CCDC60: variants seen among roughly 807,000 people sequenced by gnomAD.
CCDC60 encodes coiled-coil domain-containing protein 60.
In CCDC60, 54 loss-of-function variants were observed where a neutral mutation model predicts 63.5. That is an observed-to-expected ratio of 0.85 (90% confidence interval 0.68 to 1.07). The LOEUF is 1.07. Among genes scored for constraint, CCDC60 ranks in the 50% least tolerant of loss-of-function variants. The pLI is 0.00. For missense variants in CCDC60, 651 were observed against 684.3 expected (o/e 0.95, Z 0.54); for synonymous variants, 206 against 238.8 (o/e 0.86, Z 1.27).
Position 119,511,066 on chromosome 12 carries a change from C to A in CCDC60, c.884-5557C>A, listed in dbSNP as rs112485231. Among the ~76,000 whole-genome samples, 1,094 of 152,312 alleles carry A rather than the reference C, an allele frequency of 7.2e-3. 11 individuals are homozygous for A. Among genetic ancestry groups the A allele is most frequent in the African/African-American group, 0.025 (1,031 of 41,564 alleles). ...AACATCTTATTTACCTTCATCCTAGCACACAGTAGGAACACAAAAATGACT... is the reference window on the plus strand; with the variant it reads ...AACATCTTATTTACCTTCATCCTAGAACACAGTAGGAACACAAAAATGACT... On this transcript the variant is annotated intron_variant, in intron 7 of 13. Transcript: ENST00000327554.
intron 1 of CCDC60, among the ~76,000 whole-genome samples, chr12:119,367,034 T>C (rs1388316276): frequency 6.6e-6 from 1 of 152,158 alleles, no homozygotes; most frequent in East Asian, 1.9e-4. Flanking sequence ...GGTTTCACCA[T>C]GTTGGCCAGG....
rs548585632 is a variant in CCDC60, at chr12:119,360,314, G to A, written c.90+25048G>A. Among the ~76,000 whole-genome samples the A allele has an allele frequency of 3.4e-3, 509 of 147,886 alleles. 4 individuals are homozygous for A. The highest frequency in any genetic ancestry group is 0.012 in the African/African-American group (480 of 39,962). ...GGGCTGACCCCCCCACCTCCCTCCC[G>A]GACTGGGCGGCTGGCCAGGCGGGGG... is the stretch of plus-strand genomic sequence containing the variant. On this transcript the variant is annotated intron_variant, in intron 1 of 13. Coordinates refer to ENST00000327554, the MANE Select transcript of CCDC60 (RefSeq NM_178499.5).
intron 2 of CCDC60, among the ~76,000 whole-genome samples, chr12:119,455,939 GAGAGAGAA>G (rs1264395418): frequency 6.4e-5 from 2 of 31,028 alleles, no homozygotes; most frequent in African/African-American, 1.6e-4. Flanking sequence ...GAAAGAGAAA[GAGAGAGAA>G]AGGAAGGAAG....
chr12:119,492,248 T>C (rs1405206347), intron 5 of CCDC60, among the ~76,000 whole-genome samples: 1 of 152,156 alleles, frequency 6.6e-6, no homozygotes. Flanking sequence ...ACCAGTTCTC[T>C]AGGAGGTGAA....
intron 1 of CCDC60, among the ~76,000 whole-genome samples, chr12:119,342,283 G>A (rs1242701413): frequency 1.3e-5 from 2 of 152,202 alleles, no homozygotes; most frequent in Admixed American, 6.5e-5. Flanking sequence ...GAGGGAAACA[G>A]AAGCTTTCCA....
At chr12:119,392,906 G>C (rs899164308) in intron 1 of CCDC60, among the ~76,000 whole-genome samples, 30 of 152,170 alleles carry the variant, frequency 2.0e-4, no homozygotes, top group African/African-American at 6.8e-4. Context: ...TGTAATCCCA[G>C]CACTTTGGGA....
chr12:119,491,623 C>T (rs1260859808), intron 5 of CCDC60, among the ~76,000 whole-genome samples: 1 of 152,134 alleles, frequency 6.6e-6, no homozygotes, highest in African/African-American at 2.4e-5. Context: ...CCACTGTGCC[C>T]GGCCCCTTAC....
chr12:119,492,133 T>C, intron 5 of CCDC60, among the ~76,000 whole-genome samples: 1 of 152,170 alleles, frequency 6.6e-6, no homozygotes, highest in Non-Finnish European at 1.5e-5. Context: ...AAGATTAACA[T>C]AGGAAGTCAC....
At chr12:119,419,303 T>C (rs1406547328) in intron 1 of CCDC60, among the ~76,000 whole-genome samples, 1 of 152,242 alleles carries the variant, frequency 6.6e-6, no homozygotes, top group Non-Finnish European at 1.5e-5. Context: ...TCACCTATTT[T>C]GTAAAATGAC....
chr12:119,473,649 C>T (rs1386544537), intron 3 of CCDC60, among the ~76,000 whole-genome samples: 2 of 152,260 alleles, frequency 1.3e-5, no homozygotes, highest in African/African-American at 4.8e-5. Flanking sequence ...TTATATCATT[C>T]TTTTGCCTTT....
chr12:119,390,142 C>T (rs1418983450), intron 1 of CCDC60, among the ~76,000 whole-genome samples: 1 of 152,206 alleles, frequency 6.6e-6, no homozygotes, highest in African/African-American at 2.4e-5. Flanking sequence ...TCGTAAAAGA[C>T]AAGGCTTCAA....
At chr12:119,501,752 T>C (rs1430009935) in intron 6 of CCDC60, among the ~76,000 whole-genome samples, 1 of 152,000 alleles carries the variant, frequency 6.6e-6, no homozygotes, top group Non-Finnish European at 1.5e-5. Flanking sequence ...CCACTAAAAT[T>C]GGAGGAGGGG....
chr12:119,456,529 C>T lies in CCDC60; in HGVS notation c.171-15465C>T. ...ATGTTACATGAAAGGGGTCCCAATC[C>T]AGACCCCAAGAGAAGGTTCTTGGAT... On this transcript the variant is annotated intron_variant, in intron 2 of 13. Transcript: ENST00000327554. The surrounding 1 kb of genome is among the most constrained non-coding windows in gnomAD (Gnocchi z 4.6). Among the ~76,000 whole-genome samples, 1 of 152,104 alleles carries T rather than the reference C, an allele frequency of 6.6e-6. No individual in the cohort carries two copies. The highest frequency in any genetic ancestry group is 1.5e-5 in the Non-Finnish European group (1 of 68,018).
intron 7 of CCDC60, among the ~76,000 whole-genome samples, chr12:119,509,415 GCTGACATAGCCAGA>G (rs1375653927): frequency 6.6e-6 from 1 of 152,158 alleles, no homozygotes; most frequent in African/African-American, 2.4e-5. Context: ...GATTAGCCTG[GCTGACATAGCCAGA>G]CCCCATCTCT....
intron 1 of CCDC60, among the ~76,000 whole-genome samples, chr12:119,348,946 G>T (rs1740611200): frequency 6.6e-6 from 1 of 152,132 alleles, no homozygotes; most frequent in South Asian, 2.1e-4. Flanking sequence ...TCATGTTATT[G>T]GCTGAGTACT....
chr12:119,438,266 G>A (rs1313925399), intron 2 of CCDC60, among the ~76,000 whole-genome samples: 2 of 152,058 alleles, frequency 1.3e-5, no homozygotes, highest in Non-Finnish European at 2.9e-5. Flanking sequence ...GTCTGCCTTG[G>A]AGACCCCAGT....
intron 1 of CCDC60, among the ~76,000 whole-genome samples, chr12:119,419,400 C>T (rs1483180402): frequency 6.6e-6 from 1 of 152,176 alleles, no homozygotes; most frequent in Non-Finnish European, 1.5e-5. Context: ...GTGATGTAAC[C>T]ATGTAGGCGA....
At chr12:119,488,214 C>T (rs1466825678) in intron 4 of CCDC60, among the ~76,000 whole-genome samples, 2 of 152,164 alleles carry the variant, frequency 1.3e-5, no homozygotes, top group Non-Finnish European at 2.9e-5. Context: ...GCAAAGGACT[C>T]ATAAATGTAA....
chr12:119,389,931 G>C (rs73404397), intron 1 of CCDC60, among the ~76,000 whole-genome samples: 2,098 of 152,256 alleles, frequency 0.014, 44 homozygotes, highest in African/African-American at 0.048. Flanking sequence ...CTCTGCATCA[G>C]GAAGACACCC....
Sources: allele counts gnomAD v4.1 joint callset (sites outside exome capture counted in the v4.1 genomes callset), GRCh38; gene constraint gnomAD v4.1.1; non-coding constraint Gnocchi (gnomAD v3.1); transcripts MANE v1.5; gene names NCBI Gene and HGNC (gene_info 2026-07-23, HGNC 2026-07-21).